The following SORCS1 variants were observed in gnomAD, a reference collection of about 807,000 sequenced individuals.
SORCS1 encodes the protein VPS10 domain-containing receptor SorCS1.
SORCS1 carries 60 observed loss-of-function variants against 146.1 expected under a neutral mutation model. That is an observed-to-expected ratio of 0.41 (90% CI 0.33 to 0.51). SORCS1 has a LOEUF of 0.51. Among genes scored for constraint, SORCS1 ranks in the 20% least tolerant of loss-of-function variants. The pLI, the probability that SORCS1 is intolerant of heterozygous loss-of-function variation, is 0.21. For missense variants in SORCS1, 1,352 were observed against 1,487.6 expected (o/e 0.91, Z 1.50); for synonymous variants, 637 against 584.0 (o/e 1.09, Z -1.31).
At chr10:107,087,363 A>G (rs1223102452) in intron 1 of SORCS1, among the ~76,000 whole-genome samples, 1 of 152,156 alleles carries the variant, frequency 6.6e-6, no homozygotes, top group Non-Finnish European at 1.5e-5. Flanking sequence ...TCCTTGATCC[A>G]TATGTCTAGT....
rs918714331 is a variant in SORCS1, at chr10:106,574,901, C to T, written c.*2519G>A. On this transcript the variant is annotated 3_prime_UTR_variant, in exon 26 of 26. Coordinates refer to ENST00000263054, the MANE Select transcript of SORCS1 (RefSeq NM_052918.5). ...TCCCAAAATGCCAGGTATCTCATGT[C>T]GACCTCTATTTTTAATTAGGATTTA... is the stretch of plus-strand genomic sequence containing the variant. 6 of 152,556 alleles carry T rather than the reference C, an allele frequency of 3.9e-5. No homozygotes were observed. The highest frequency in any genetic ancestry group is 2.6e-4 in the Admixed American group (4 of 15,268). The allele number at this position is 152,556 out of a possible 1,614,324, so 9.5% of individuals were successfully genotyped here. A position where few individuals can be genotyped will look rare whatever the true frequency, so the allele number is the denominator to read the frequency against.
intron 1 of SORCS1, 135 bp from the exon 2 acceptor site, chr10:106,956,715 A>T (rs822090): frequency 4.1e-6 from 3 of 729,406 alleles, no homozygotes; most frequent in South Asian, 1.8e-5. Context: ...AGCATTTGCC[A>T]CACTGACTGG....
intron 4 of SORCS1, 72 bp downstream of exon 4, chr10:106,776,462 A>C: frequency 3.2e-6 from 5 of 1,566,420 alleles, no homozygotes; most frequent in Non-Finnish European, 4.4e-6. Flanking sequence ...TGAAATGGAG[A>C]GATGATTAAA....
intron 2 of SORCS1, among the ~76,000 whole-genome samples, chr10:106,892,375 G>A (rs956219439): frequency 2.0e-5 from 3 of 152,158 alleles, no homozygotes; most frequent in African/African-American, 4.8e-5. Context: ...AATAGTCTCT[G>A]GACAATGCCT....
Position 107,150,391 on chromosome 10 carries a change from T to C in SORCS1, c.558+13578A>G, listed in dbSNP as rs566084168. 3.3e-5 allele frequency among the ~76,000 whole-genome samples: 5 copies of C among 152,352 alleles called. No individual in the cohort carries two copies. In the East Asian group the frequency reaches 9.6e-4, roughly 29 times the overall value. On this transcript the variant is annotated intron_variant, in intron 1 of 25. Transcript: ENST00000263054. ...TTCTTAATAATGCATAAATACTACA[T>C]GAACCCCTTCCACTCCACACCCATC...
chr10:106,750,281 C>A (rs1858052717), intron 5 of SORCS1, among the ~76,000 whole-genome samples: 1 of 152,030 alleles, frequency 6.6e-6, no homozygotes, highest in Admixed American at 6.6e-5. Context: ...GAAGCTGCAG[C>A]CTATGGGGAC....
At chr10:106,941,467 G>C (rs1172931125) in intron 2 of SORCS1, among the ~76,000 whole-genome samples, 1 of 152,176 alleles carries the variant, frequency 6.6e-6, no homozygotes, top group Non-Finnish European at 1.5e-5. Context: ...TGCCCAGACA[G>C]CCCAAGGCCA....
intron 5 of SORCS1, among the ~76,000 whole-genome samples, chr10:106,749,124 C>T (rs1022978039): frequency 6.6e-6 from 1 of 152,156 alleles, no homozygotes; most frequent in African/African-American, 2.4e-5. Flanking sequence ...TTACTTCTGC[C>T]TGAACTATAT....
At chr10:106,933,069 A>C (rs1223583483) in intron 2 of SORCS1, among the ~76,000 whole-genome samples, 1 of 152,210 alleles carries the variant, frequency 6.6e-6, no homozygotes, top group Non-Finnish European at 1.5e-5. Context: ...AAGAGATTAC[A>C]TGTAGATGAT....
chr10:106,688,924 T>C (rs1853087786), intron 9 of SORCS1, among the ~76,000 whole-genome samples: 1 of 152,244 alleles, frequency 6.6e-6, no homozygotes. Context: ...TCAAGCTATC[T>C]GCAGGCTTGG....
chr10:106,967,590 G>A (rs1441835486), intron 1 of SORCS1, among the ~76,000 whole-genome samples: 2 of 152,178 alleles, frequency 1.3e-5, no homozygotes, highest in Non-Finnish European at 2.9e-5. Context: ...CTGGGGCCAG[G>A]GAATAGGGGG....
intron 2 of SORCS1, among the ~76,000 whole-genome samples, chr10:106,916,406 G>A (rs1456902732): frequency 6.7e-6 from 1 of 150,254 alleles, no homozygotes; most frequent in African/African-American, 2.4e-5. Flanking sequence ...TTCTAATTGT[G>A]TATGTGTGTG....
At chr10:106,874,223 G>A (rs1421047989) in intron 2 of SORCS1, among the ~76,000 whole-genome samples, 1 of 152,124 alleles carries the variant, frequency 6.6e-6, no homozygotes, top group African/African-American at 2.4e-5. Flanking sequence ...TCAGCATTCT[G>A]GGATGATTTC....
intron 3 of SORCS1, among the ~76,000 whole-genome samples, chr10:106,801,683 C>T (rs145855534): frequency 0.093 from 14,203 of 151,992 alleles, 816 homozygotes; most frequent in East Asian, 0.22. Context: ...GCGCCCGCCA[C>T]CACGCCCGGC....
chr10:107,056,649 T>A (rs891229350), intron 1 of SORCS1, among the ~76,000 whole-genome samples: 1 of 152,196 alleles, frequency 6.6e-6, no homozygotes, highest in Non-Finnish European at 1.5e-5. Flanking sequence ...TTTCTCTTTC[T>A]CACTCAACCA....
intron 2 of SORCS1, among the ~76,000 whole-genome samples, chr10:106,920,152 A>G (rs1194623419): frequency 5.9e-5 from 9 of 152,166 alleles, no homozygotes; most frequent in African/African-American, 1.7e-4. Flanking sequence ...AATGACCCCA[A>G]TGAAGAGAAA....
chr10:106,650,385 C>G (rs977218719), intron 18 of SORCS1, among the ~76,000 whole-genome samples: 4 of 152,190 alleles, frequency 2.6e-5, no homozygotes, highest in African/African-American at 9.7e-5. Flanking sequence ...GGGCCCTCCT[C>G]CTTGATAGGT....
intron 2 of SORCS1, among the ~76,000 whole-genome samples, chr10:106,915,825 C>G (rs990139310): frequency 2.6e-5 from 4 of 152,110 alleles, no homozygotes; most frequent in Non-Finnish European, 5.9e-5. Flanking sequence ...ACACCTGGAC[C>G]AAGTGAGAGC....
chr10:106,908,059 C>A (rs1307735145), intron 2 of SORCS1, among the ~76,000 whole-genome samples: 1 of 152,094 alleles, frequency 6.6e-6, no homozygotes, highest in Non-Finnish European at 1.5e-5. Context: ...TTCTTAATGA[C>A]CATTTTTCTG....
Sources: gnomAD v4.1 joint callset for allele counts (sites outside exome capture counted in the v4.1 genomes callset) on GRCh38, gnomAD v4.1.1 for gene constraint, MANE v1.5 for transcripts, NCBI Gene and HGNC (gene_info 2026-07-23, HGNC 2026-07-21) for gene names.